ITSN2: variants seen among roughly 807,000 people sequenced by gnomAD.
ITSN2 encodes intersectin 2, also known as intersectin-2.
Under a neutral mutation model 243.7 loss-of-function variants are expected in ITSN2, and 156 were observed. The ratio of observed to expected loss-of-function variants is 0.64; its 90% CI spans 0.56 to 0.73. The LOEUF (loss-of-function observed/expected upper bound fraction) is 0.73, where lower values mean the gene tolerates loss of function less well. Ranked by LOEUF, ITSN2 falls within the 30% of genes least tolerant of loss-of-function variation. The pLI is 0.00. For synonymous variants in ITSN2, 703 were observed against 699.9 expected, an observed-to-expected ratio of 1.00 and a Z score of -0.07; for missense variants, 1,801 against 1,996.1, an observed-to-expected ratio of 0.90 and a Z score of 1.86.
chr2:24,330,400 C>T (rs1204780247), intron 1 of ITSN2: 11 of 591,098 alleles, frequency 1.9e-5, no homozygotes, highest in African/African-American at 1.5e-4. Context: ...GTTGCCACCA[C>T]CATGCCCAAG....
At chr2:24,286,447 C>T in intron 15 of ITSN2, 96 bp from the exon 16 acceptor site, 1 of 1,000,690 alleles carries the variant, frequency 1.0e-6, no homozygotes, top group Non-Finnish European at 1.6e-6. Flanking sequence ...TGTAACTAGA[C>T]CAATACGAAG....
intron 15 of ITSN2, among the ~76,000 whole-genome samples, chr2:24,287,607 A>T (rs888139150): frequency 1.3e-5 from 2 of 152,032 alleles, no homozygotes; most frequent in African/African-American, 4.8e-5. Flanking sequence ...TTTTTTTAGA[A>T]ACCTTCATAC....
intron 1 of ITSN2, among the ~76,000 whole-genome samples, chr2:24,350,036 G>C (rs946015770): frequency 6.6e-6 from 1 of 152,062 alleles, no homozygotes; most frequent in African/African-American, 2.4e-5. Flanking sequence ...TAGAGCCCTC[G>C]GTAAGTTCTA....
chr2:24,287,004 A>T (rs1421621539), intron 15 of ITSN2, among the ~76,000 whole-genome samples: 1 of 152,170 alleles, frequency 6.6e-6, no homozygotes, highest in Non-Finnish European at 1.5e-5. Context: ...TTTTAACTTT[A>T]TCATATTTTT....
intron 1 of ITSN2, among the ~76,000 whole-genome samples, chr2:24,343,513 T>A (rs1233586306): frequency 6.6e-6 from 1 of 152,222 alleles, no homozygotes; most frequent in Admixed American, 6.5e-5. Flanking sequence ...TTAACAAATG[T>A]TACAATTAAT....
intron 19 of ITSN2, 70 bp from the exon 20 acceptor site, chr2:24,270,838 C>T (rs1047416925): frequency 2.5e-6 from 2 of 792,212 alleles, no homozygotes; most frequent in African/African-American, 1.7e-5. Flanking sequence ...CAATAAAGAG[C>T]TCTAAAACCT....
chr2:24,347,410 G>C (rs1377012005), intron 1 of ITSN2, among the ~76,000 whole-genome samples: 3 of 152,110 alleles, frequency 2.0e-5, no homozygotes, highest in Admixed American at 6.5e-5. Context: ...TTGTAGGCCA[G>C]GCACTGGGGC....
intron 1 of ITSN2, among the ~76,000 whole-genome samples, chr2:24,339,246 T>C (rs1388033733): frequency 2.0e-5 from 3 of 152,056 alleles, no homozygotes; most frequent in Admixed American, 2.0e-4. Context: ...CCCAGCACTT[T>C]AGGAGGCCAA....
chr2:24,244,976 T>A (rs1024313562), intron 29 of ITSN2, among the ~76,000 whole-genome samples: 2 of 152,212 alleles, frequency 1.3e-5, no homozygotes, highest in Non-Finnish European at 2.9e-5. Context: ...CTTTTATATA[T>A]TCTCAGCAAC....
At position 24,337,323 on chromosome 2, in the gene ITSN2, T is replaced by TATATATACATATATAC. The variant is rs745459301; in HGVS notation, c.-33-9209_-33-9208insGTATATATGTATATAT. On this transcript the variant is annotated intron_variant, in intron 1 of 39. Coordinates refer to ENST00000355123, the MANE Select transcript of ITSN2 (RefSeq NM_006277.3). ...TGTGTGTGTATACACAAAATATATA[T>TATATATACATATATAC]ATATATATATATATATATATATATA... is the stretch of plus-strand genomic sequence containing the variant. Among the ~76,000 whole-genome samples, 51 of 89,400 alleles carry TATATATACATATATAC rather than the reference T, an allele frequency of 5.7e-4. 3 individuals carry two copies. Among genetic ancestry groups the TATATATACATATATAC allele is most frequent in the South Asian group, 1.7e-3 (5 of 2,964 alleles). 58.6% of individuals were successfully genotyped at this position (89,400 alleles called of 152,430 possible). A position where few individuals can be genotyped will look rare whatever the true frequency, so the allele number is the denominator to read the frequency against.
intron 17 of ITSN2, among the ~76,000 whole-genome samples, chr2:24,281,877 C>A (rs149936572): frequency 2.6e-4 from 40 of 152,368 alleles, no homozygotes; most frequent in African/African-American, 9.1e-4. Context: ...ATCTCCACCC[C>A]TCTTCTTCTG....
intron 2 of ITSN2, among the ~76,000 whole-genome samples, chr2:24,326,881 T>C (rs1334883264): frequency 6.6e-6 from 1 of 152,218 alleles, no homozygotes; most frequent in Non-Finnish European, 1.5e-5. Context: ...TTTGGTCCTA[T>C]GTCTGAAAAC....
In ITSN2 at chr2:24,284,981, C is replaced by T. The variant is rs1679291916; in HGVS notation, c.1864-138G>A. The T allele has an allele frequency of 5.9e-6, 3 of 509,648 alleles. No homozygotes were observed. In the South Asian group the frequency reaches 6.7e-5, roughly 11 times the overall value. 31.6% of individuals were successfully genotyped at this position (509,648 alleles called of 1,614,324 possible). On this transcript the variant is annotated intron_variant, in intron 16 of 39. Transcript: ENST00000355123. ...GCGCAATCTCAGCTCACTGCAACCTCCACCTCCCGGGTTCAAGCGATTCTC... is the reference window on the plus strand; with the variant it reads ...GCGCAATCTCAGCTCACTGCAACCTTCACCTCCCGGGTTCAAGCGATTCTC...
At chr2:24,306,789 C>T (rs1682599656) in intron 8 of ITSN2, among the ~76,000 whole-genome samples, 1 of 152,040 alleles carries the variant, frequency 6.6e-6, no homozygotes, top group Admixed American at 6.5e-5. Flanking sequence ...GCACATGCCG[C>T]TATGCCTAGC....
intron 2 of ITSN2, chr2:24,326,562 T>A (rs2151832695): frequency 6.0e-6 from 1 of 167,944 alleles, no homozygotes; most frequent in Middle Eastern, 1.1e-3. Flanking sequence ...AACTTACATG[T>A]ATCACTCATT....
chr2:24,230,271 C>G (rs1424406455), intron 29 of ITSN2, among the ~76,000 whole-genome samples: 1 of 152,200 alleles, frequency 6.6e-6, no homozygotes, highest in African/African-American at 2.4e-5. Context: ...ATTCAATCCA[C>G]CTGTGGGATC....
At chr2:24,340,751 A>AC (rs892528645) in intron 1 of ITSN2, among the ~76,000 whole-genome samples, 4 of 151,290 alleles carry the variant, frequency 2.6e-5, no homozygotes, top group East Asian at 1.9e-4. Flanking sequence ...AAGGAAAAAA[A>AC]ACACACACAC....
chr2:24,339,758 G>A (rs974751054), intron 1 of ITSN2, among the ~76,000 whole-genome samples: 6 of 152,018 alleles, frequency 3.9e-5, no homozygotes, highest in Admixed American at 6.6e-5. Context: ...TGTGGTTCAC[G>A]GCTCATGCCT....
At chr2:24,307,037 C>T (rs1307050003) in intron 8 of ITSN2, among the ~76,000 whole-genome samples, 1 of 152,146 alleles carries the variant, frequency 6.6e-6, no homozygotes, top group Non-Finnish European at 1.5e-5. Flanking sequence ...ATCTCTTGAC[C>T]TCATGATCTG....
Sources: allele counts gnomAD v4.1 joint callset (sites outside exome capture counted in the v4.1 genomes callset), GRCh38; gene constraint gnomAD v4.1.1; transcripts MANE v1.5; gene names NCBI Gene and HGNC (gene_info 2026-07-23, HGNC 2026-07-21).